ZNF354C: variants seen among roughly 807,000 people sequenced by gnomAD.
ZNF354C encodes zinc finger protein 354C.
In ZNF354C, 7 loss-of-function variants were observed where a neutral mutation model predicts 12.4. The observed-to-expected ratio is 0.56, with a 90% CI of 0.32 to 1.06. The LOEUF (loss-of-function observed/expected upper bound fraction) is 1.06. ZNF354C is among the 50% of genes least tolerant of loss of function. The probability of loss-of-function intolerance (pLI) is 0.04; values close to 1 mark genes in which losing one functional copy is unlikely to be tolerated. For synonymous variants in ZNF354C, 202 were observed against 224.5 expected (o/e 0.90, Z 0.90); for missense variants, 609 against 658.0 (o/e 0.93, Z 0.81).
chr5:179,075,252 C>CT (rs1268334539), intron 2 of ZNF354C, among the ~76,000 whole-genome samples: 1 of 150,158 alleles, frequency 6.7e-6, no homozygotes, highest in East Asian at 2.0e-4. Context: ...GAGTGAGACT[C>CT]TGTCTCAGAA....
In ZNF354C at chr5:179,080,508, C is replaced by T. The variant is rs1342543033; in HGVS notation, c.*411C>T. ...GGCCTTCTTTAAAATAGCTGGCTAA[C>T]ATAGGAGGCACTTCTTTTCATAAAG... On this transcript the variant is annotated 3_prime_UTR_variant, in exon 5 of 5. Coordinates refer to ENST00000315475, the MANE Select transcript of ZNF354C (RefSeq NM_014594.3). 1 of 152,630 alleles carries T rather than the reference C, an allele frequency of 6.6e-6. No individual in the cohort carries two copies. Among genetic ancestry groups the T allele is most frequent in the Admixed American group, 6.5e-5 (1 of 15,310 alleles). 9.5% of individuals were successfully genotyped at this position (152,630 alleles called of 1,614,324 possible).
At position 179,082,909 on chromosome 5, in the gene ZNF354C, C is replaced by G; in HGVS notation, c.*2812C>G. 1.0e-6 allele frequency: 1 copy of G among 980,966 alleles called. No individual in the cohort carries two copies. Among genetic ancestry groups the G allele is most frequent in the South Asian group, 1.3e-5 (1 of 75,856 alleles). The allele number at this position is 980,966 out of a possible 1,614,324, so 60.8% of individuals were successfully genotyped here. A position where few individuals can be genotyped will look rare whatever the true frequency, so the allele number is the denominator to read the frequency against. ...TTGCCAGTGCGCTGATGAAGAATCA[C>G]GGAGAACTCCACCTCATCTCCTGCC... On this transcript the variant is annotated 3_prime_UTR_variant, in exon 5 of 5. Coordinates refer to ENST00000315475, the MANE Select transcript of ZNF354C (RefSeq NM_014594.3).
At chr5:179,061,686 G>C (rs1476194633) in intron 1 of ZNF354C, among the ~76,000 whole-genome samples, 1 of 152,058 alleles carries the variant, frequency 6.6e-6, no homozygotes, top group Non-Finnish European at 1.5e-5. Flanking sequence ...GCTAGGCTGG[G>C]AAGTGGCGCC....
chr5:179,080,323 C>A lies in ZNF354C; in HGVS notation c.*226C>A. ...TCTAAAAACCTATGAGTATTTAATT[C>A]ATAGAAAAAATGTAAAAGGTCTTTT... On this transcript the variant is annotated 3_prime_UTR_variant, in exon 5 of 5. Coordinates refer to ENST00000315475, the MANE Select transcript of ZNF354C (RefSeq NM_014594.3). 3.4e-6 allele frequency: 1 copy of A among 293,322 alleles called. No homozygotes were observed. Among genetic ancestry groups the A allele is most frequent in the Non-Finnish European group, 6.2e-6 (1 of 160,844 alleles). The allele number at this position is 293,322 out of a possible 1,614,324, so 18.2% of individuals were successfully genotyped here. A position where few individuals can be genotyped will look rare whatever the true frequency, so the allele number is the denominator to read the frequency against.
rs560597637 is a variant in ZNF354C, at chr5:179,067,326, C to T, written c.27+5231C>T. On this transcript the variant is annotated intron_variant, in intron 2 of 4. Coordinates refer to ENST00000315475, the MANE Select transcript of ZNF354C (RefSeq NM_014594.3). ...CTTGTGACTTGGGCTTACAACATGG[C>T]GACTAGGCTCCAAAAGTGAGCATCC... 2.0e-5 allele frequency among the ~76,000 whole-genome samples: 3 copies of T among 152,208 alleles called. No homozygotes were observed. In the South Asian group the frequency reaches 6.2e-4, roughly 32 times the overall value.
intron 2 of ZNF354C, among the ~76,000 whole-genome samples, chr5:179,068,303 G>A (rs1172674762): frequency 2.0e-5 from 3 of 152,202 alleles, no homozygotes; most frequent in African/African-American, 7.2e-5. Context: ...GCCGCTAATT[G>A]GAGTTAGGAG....
rs567781234 is a variant in ZNF354C at position 179,082,285 on chromosome 5, C to T, written c.*2188C>T. ...GCATTATGTGGCTCTTGATGGGATG[C>T]GGTATGAAGCATGTGTGATCATCCT... On this transcript the variant is annotated 3_prime_UTR_variant, in exon 5 of 5. Transcript: ENST00000315475. 71 of 162,870 alleles carry T rather than the reference C, an allele frequency of 4.4e-4. No homozygotes were observed. Among genetic ancestry groups the T allele is most frequent in the South Asian group, 2.1e-3 (12 of 5,816 alleles). 10.1% of individuals were successfully genotyped at this position (162,870 alleles called of 1,614,324 possible).
At chr5:179,070,823 T>C (rs1001548551) in intron 2 of ZNF354C, among the ~76,000 whole-genome samples, 7 of 150,446 alleles carry the variant, frequency 4.7e-5, no homozygotes, top group African/African-American at 1.7e-4. Flanking sequence ...TTCCAGATGA[T>C]TAGCAGCCTT....
intron 4 of ZNF354C, among the ~76,000 whole-genome samples, chr5:179,078,059 C>T (rs1025784049): frequency 1.1e-4 from 16 of 152,066 alleles, no homozygotes; most frequent in Non-Finnish European, 2.1e-4. Flanking sequence ...CACCTGCCTC[C>T]CAAAGTGCTG....
chr5:179,079,247 A>G lies in ZNF354C; in HGVS notation c.815A>G (p.Tyr272Cys). The G allele has an allele frequency of 6.2e-7, 1 of 1,614,148 alleles. No homozygotes were observed. Among genetic ancestry groups the G allele is most frequent in the Non-Finnish European group, 8.5e-7 (1 of 1,179,994 alleles). Residue 272 changes from tyrosine (Y) to cysteine (C), a missense_variant, in exon 5 of 5, where the codon TAC becomes TGC. Coordinates refer to ENST00000315475, the MANE Select transcript of ZNF354C (RefSeq NM_014594.3). This position sits in a 1 kb window ranked among gnomAD's most constrained non-coding sequence, Gnocchi z 4.2. ...HQRIHTGEKP[Y>C]KCNECEKAFS... is the part of the protein sequence containing the mutation. ...AGAATTCATACTGGAGAGAAACCTT[A>G]CAAGTGTAATGAATGTGAGAAGGCA...
In ZNF354C at chr5:179,070,912, G is replaced by A. The variant is rs891924186; in HGVS notation, c.28-5533G>A. Reference sequence around the variant, plus strand: ...TGCCCAAGCTGGAGTGTAGTGGTGCGATCTCGGCTCACTGCAAGCTCCGCC... The same window carrying A: ...TGCCCAAGCTGGAGTGTAGTGGTGCAATCTCGGCTCACTGCAAGCTCCGCC... On this transcript the variant is annotated intron_variant, in intron 2 of 4. Coordinates refer to ENST00000315475, the MANE Select transcript of ZNF354C (RefSeq NM_014594.3). 6.4e-5 allele frequency among the ~76,000 whole-genome samples: 9 copies of A among 141,048 alleles called. No homozygotes were observed. In the East Asian group the frequency reaches 6.6e-4, roughly 10 times the overall value. The allele number at this position is 141,048 out of a possible 152,430, so 92.5% of individuals were successfully genotyped here. A position where few individuals can be genotyped will look rare whatever the true frequency, so the allele number is the denominator to read the frequency against.
chr5:179,072,887 ATAAT>A (rs1445134099), intron 2 of ZNF354C, among the ~76,000 whole-genome samples: 3 of 152,170 alleles, frequency 2.0e-5, no homozygotes, highest in African/African-American at 4.8e-5. Context: ...TTTTAAGTAA[ATAAT>A]CTGGTATGTA....
chr5:179,077,130 A>G lies in ZNF354C; in HGVS notation c.214A>G (p.Met72Val), dbSNP rs150168982. Residue 72 changes from methionine to valine, a missense_variant, in exon 4 of 5, where the codon ATG becomes GTG. Coordinates refer to ENST00000315475, the MANE Select transcript of ZNF354C (RefSeq NM_014594.3). Reference protein sequence around the residue: ...HQLQQGEDPCMVEREVPSDTR... With the variant: ...HQLQQGEDPCVVEREVPSDTR... ...GTTGCAGCAAGGAGAAGATCCCTGC[A>G]TGGTGGAAAGAGAAGTCCCTTCAGA... 2,269 of 1,614,184 alleles carry G rather than the reference A, an allele frequency of 1.4e-3. 4 individuals are homozygous for G. The highest frequency in any genetic ancestry group is 1.8e-3 in the Non-Finnish European group (2,103 of 1,180,024).
intron 1 of ZNF354C, among the ~76,000 whole-genome samples, chr5:179,061,151 C>T (rs1382427554): frequency 6.6e-6 from 1 of 152,252 alleles, no homozygotes; most frequent in Non-Finnish European, 1.5e-5. Context: ...GGTCGAGGCA[C>T]CCGCTGGAAC....
chr5:179,080,936 T>A lies in ZNF354C; in HGVS notation c.*839T>A, dbSNP rs2113129394. On this transcript the variant is annotated 3_prime_UTR_variant, in exon 5 of 5. Transcript: ENST00000315475. Reference sequence around the variant, plus strand: ...AATCTCAGGCTGCATGTCTGGTAGCTCATTAGAGCCAGGAGAGATTTTAGT... The same window carrying A: ...AATCTCAGGCTGCATGTCTGGTAGCACATTAGAGCCAGGAGAGATTTTAGT... 1 of 152,332 alleles carries A rather than the reference T, an allele frequency of 6.6e-6. No homozygotes were observed. The highest frequency in any genetic ancestry group is 2.1e-4 in the South Asian group (1 of 4,830). The allele number at this position is 152,332 out of a possible 1,614,324, so 9.4% of individuals were successfully genotyped here.
intron 2 of ZNF354C, among the ~76,000 whole-genome samples, chr5:179,063,605 G>A (rs185685272): frequency 4.6e-5 from 7 of 152,308 alleles, no homozygotes; most frequent in Admixed American, 3.9e-4. Context: ...TTTGCTGTGA[G>A]CCAGGTTCTA....
At position 179,082,352 on chromosome 5, in the gene ZNF354C, C is replaced by CTTTT; in HGVS notation, c.*2256_*2259dup. The CTTTT allele has an allele frequency of 4.2e-6, 1 of 236,218 alleles. No individual in the cohort carries two copies. 14.6% of individuals were successfully genotyped at this position (236,218 alleles called of 1,614,324 possible). A position where few individuals can be genotyped will look rare whatever the true frequency, so the allele number is the denominator to read the frequency against. ...ATGTTTACCTCAAATTTAATTAAAT[C>CTTTT]TTTTGTCTAGACTTATCTTCCTGTT... On this transcript the variant is annotated 3_prime_UTR_variant, in exon 5 of 5. Transcript: ENST00000315475.
intron 2 of ZNF354C, among the ~76,000 whole-genome samples, chr5:179,074,271 G>A (rs1213359109): frequency 4.7e-5 from 7 of 149,470 alleles, no homozygotes; most frequent in African/African-American, 1.5e-4. Context: ...GTGAGCCACC[G>A]CGCCTGGCTA....
At chr5:179,074,799 T>C (rs1762096176) in intron 2 of ZNF354C, among the ~76,000 whole-genome samples, 1 of 152,226 alleles carries the variant, frequency 6.6e-6, no homozygotes. Context: ...TGTAAAACTA[T>C]AGCATAAAGA....
Sources: allele counts gnomAD v4.1 joint callset (sites outside exome capture counted in the v4.1 genomes callset), GRCh38; gene constraint gnomAD v4.1.1; non-coding constraint Gnocchi (gnomAD v3.1); transcripts MANE v1.5; gene names NCBI Gene and HGNC (gene_info 2026-07-23, HGNC 2026-07-21).